The following TMEM132D variants were observed in gnomAD, a reference collection of about 807,000 sequenced individuals.
The protein encoded by TMEM132D is mature OL transmembrane protein.
In TMEM132D, 21 loss-of-function variants were observed where a neutral mutation model predicts 62.3. The ratio of observed to expected loss-of-function variants is 0.34; its 90% CI spans 0.24 to 0.49. The LOEUF is 0.49. TMEM132D is among the 20% of genes least tolerant of loss of function. The probability of loss-of-function intolerance (pLI) is 0.99; values close to 1 mark genes in which losing one functional copy is unlikely to be tolerated. For missense variants in TMEM132D, 1,346 were observed against 1,402.8 expected (o/e 0.96, Z 0.65); for synonymous variants, 621 against 575.6 (o/e 1.08, Z -1.13).
At chr12:129,296,117 TGCACATAC>T (rs1194064065) in intron 4 of TMEM132D, among the ~76,000 whole-genome samples, 1 of 151,940 alleles carries the variant, frequency 6.6e-6, no homozygotes, top group Admixed American at 6.6e-5. Flanking sequence ...TATATTAACA[TGCACATAC>T]ACACATACAC....
intron 1 of TMEM132D, among the ~76,000 whole-genome samples, chr12:129,829,377 G>A (rs73160247): frequency 0.071 from 10,847 of 152,126 alleles, 421 homozygotes; most frequent in East Asian, 0.11. Context: ...ATGGCAATAA[G>A]ACTTGTGAAA....
intron 1 of TMEM132D, among the ~76,000 whole-genome samples, chr12:129,871,375 A>T (rs1874236071): frequency 6.6e-6 from 1 of 152,048 alleles, no homozygotes; most frequent in East Asian, 1.9e-4. Context: ...AAAATAAGGC[A>T]AGCTGTGGAA....
At chr12:129,761,921 T>A (rs1870393229) in intron 1 of TMEM132D, among the ~76,000 whole-genome samples, 1 of 152,046 alleles carries the variant, frequency 6.6e-6, no homozygotes, top group South Asian at 2.1e-4. Flanking sequence ...CCAAAATGGG[T>A]CCTAGGAGAG....
intron 4 of TMEM132D, among the ~76,000 whole-genome samples, chr12:129,217,500 C>T (rs540957353): frequency 6.6e-6 from 1 of 152,312 alleles, no homozygotes; most frequent in East Asian, 1.9e-4. Flanking sequence ...CCACCTGAAC[C>T]TCCAGCCTTC....
intron 2 of TMEM132D, among the ~76,000 whole-genome samples, chr12:129,596,078 G>A (rs1457946712): frequency 6.6e-6 from 1 of 152,214 alleles, no homozygotes; most frequent in East Asian, 1.9e-4. Context: ...CATTAAATGT[G>A]TGATAATGTG....
In TMEM132D at chr12:129,166,105, T is replaced by G. The variant is rs1593282599; in HGVS notation, c.1443+43415A>C. Among the ~76,000 whole-genome samples the G allele has an allele frequency of 3.9e-5, 6 of 152,336 alleles. No individual in the cohort carries two copies. In the South Asian group the frequency reaches 1.2e-3, roughly 32 times the overall value. On this transcript the variant is annotated intron_variant, in intron 5 of 8. Transcript: ENST00000422113. ...TTACAGAGCAAACCATTATGGGAGC[T>G]GGGACTTGACAACTGGTCTTTCTAA...
intron 5 of TMEM132D, among the ~76,000 whole-genome samples, chr12:129,128,320 G>C (rs1876274176): frequency 6.6e-6 from 1 of 152,158 alleles, no homozygotes; most frequent in Non-Finnish European, 1.5e-5. Context: ...AATTTATAAA[G>C]AAAAGAGGTT....
intron 5 of TMEM132D, among the ~76,000 whole-genome samples, chr12:129,159,098 A>G (rs1877326474): frequency 6.6e-6 from 1 of 152,238 alleles, no homozygotes. Context: ...ATACAGAGCC[A>G]AACCATATCA....
Position 129,700,630 on chromosome 12 carries a change from T to C in TMEM132D, c.148A>G (p.Thr50Ala), listed in dbSNP as rs1593126223. Reference protein sequence around the residue: ...FSLLPTYLPVTYHINNADVSF... With the variant: ...FSLLPTYLPVAYHINNADVSF... The stretch of plus-strand genomic sequence containing the variant: ...ACGTCCGCGTTGTTGATGTGGTAGG[T>C]CACGGGGAGGTAGGTGGGCAGCAAG... Residue 50 changes from threonine (T) to alanine (A), a missense_variant, in exon 2 of 9, where the codon ACC becomes GCC. By Grantham distance (58) the Thr-to-Ala change is moderately conservative. Transcript: ENST00000422113. The C allele has an allele frequency of 6.2e-7, 1 of 1,613,932 alleles. No individual in the cohort carries two copies. Among genetic ancestry groups the C allele is most frequent in the East Asian group, 2.2e-5 (1 of 44,852 alleles).
At chr12:129,733,878 GC>G (rs1341001601) in intron 1 of TMEM132D, among the ~76,000 whole-genome samples, 2 of 152,186 alleles carry the variant, frequency 1.3e-5, no homozygotes, top group African/African-American at 4.8e-5. Context: ...GCCGCATGAG[GC>G]ATGCTCCCCA....
At chr12:129,730,643 A>G (rs987872802) in intron 1 of TMEM132D, among the ~76,000 whole-genome samples, 7 of 152,018 alleles carry the variant, frequency 4.6e-5, no homozygotes, top group African/African-American at 1.7e-4. Context: ...GGTGTTGCCA[A>G]AAGAGATTAA....
intron 4 of TMEM132D, among the ~76,000 whole-genome samples, chr12:129,260,966 T>C (rs118024633): frequency 0.025 from 3,844 of 152,312 alleles, 54 homozygotes; most frequent in Non-Finnish European, 0.041. Flanking sequence ...TGTGCTGTTA[T>C]AAACATGCAT....
In TMEM132D at chr12:129,195,559, T is replaced by C. The variant is rs539136073; in HGVS notation, c.1443+13961A>G. On this transcript the variant is annotated intron_variant, in intron 5 of 8. Transcript: ENST00000422113. Reference sequence around the variant, plus strand: ...CAAGGAGAAGCTCATAGGAAATTCATATTACCTTGTGACCCTGACCCACTT... The same window carrying C: ...CAAGGAGAAGCTCATAGGAAATTCACATTACCTTGTGACCCTGACCCACTT... 1.2e-4 allele frequency among the ~76,000 whole-genome samples: 18 copies of C among 152,252 alleles called. No individual in the cohort carries two copies. In the South Asian group the frequency reaches 3.7e-3, roughly 32 times the overall value.
chr12:129,854,124 C>T (rs1052190175), intron 1 of TMEM132D, among the ~76,000 whole-genome samples: 1 of 152,148 alleles, frequency 6.6e-6, no homozygotes, highest in Non-Finnish European at 1.5e-5. Flanking sequence ...ACGTCACTGG[C>T]TGTTCTAAGT....
At chr12:129,354,480 C>G (rs552769016) in intron 3 of TMEM132D, among the ~76,000 whole-genome samples, 1 of 151,984 alleles carries the variant, frequency 6.6e-6, no homozygotes, top group Non-Finnish European at 1.5e-5. Flanking sequence ...CGAGCCACCA[C>G]GCCCGGTTAA....
chr12:129,500,593 C>T (rs80000759), intron 3 of TMEM132D, among the ~76,000 whole-genome samples: 12,218 of 152,254 alleles, frequency 0.08, 572 homozygotes, highest in South Asian at 0.17. Context: ...GTGATATTTA[C>T]GTCCCTCGTT....
At chr12:129,514,954 A>G (rs1413620719) in intron 3 of TMEM132D, among the ~76,000 whole-genome samples, 2 of 152,164 alleles carry the variant, frequency 1.3e-5, no homozygotes, top group Non-Finnish European at 2.9e-5. Context: ...GACTGCCTAT[A>G]ATAGAATTGC....
rs569138938 is a variant in TMEM132D at position 129,188,762 on chromosome 12, GGAGAGA to G, written c.1443+20752_1443+20757del. ...AGGAGGGAGAGGGGGAGGGAGAGAG[GGAGAGA>G]GAGAGAGAGAGAGAGAGAGAGAGAG... On this transcript the variant is annotated intron_variant, in intron 5 of 8. Transcript: ENST00000422113. Among the ~76,000 whole-genome samples the G allele has an allele frequency of 5.1e-3, 643 of 126,306 alleles. 3 individuals are homozygous for G. Among genetic ancestry groups the G allele is most frequent in the African/African-American group, 0.012 (425 of 34,388 alleles). 82.9% of individuals were successfully genotyped at this position (126,306 alleles called of 152,430 possible).
chr12:129,664,695 G>T (rs1471720317), intron 2 of TMEM132D, among the ~76,000 whole-genome samples: 1 of 152,078 alleles, frequency 6.6e-6, no homozygotes, highest in Admixed American at 6.5e-5. Flanking sequence ...AAAGTGCTGG[G>T]ATTACAGGTG....
Sources: gnomAD v4.1 joint callset for allele counts (sites outside exome capture counted in the v4.1 genomes callset) on GRCh38, gnomAD v4.1.1 for gene constraint, MANE v1.5 for transcripts, NCBI Gene and HGNC (gene_info 2026-07-23, HGNC 2026-07-21) for gene names.